Variants in FRYL observed in about 807,000 individuals in gnomAD.
FRYL encodes FRY like transcription coactivator.
Under a neutral mutation model 351.2 loss-of-function variants are expected in FRYL, and 150 were observed. That is an observed-to-expected ratio of 0.43 (90% CI 0.37 to 0.49). The LOEUF (loss-of-function observed/expected upper bound fraction) is 0.49, where lower values mean the gene tolerates loss of function less well. FRYL is among the 20% of genes least tolerant of loss of function. FRYL has a pLI of 0.00. For synonymous variants in FRYL, 1,153 were observed against 1,257.1 expected, an observed-to-expected ratio of 0.92 and a Z score of 1.75; for missense variants, 3,036 against 3,619.3, an observed-to-expected ratio of 0.84 and a Z score of 4.13.
At chr4:48,714,023 T>G (rs1768444191) in intron 1 of FRYL, among the ~76,000 whole-genome samples, 1 of 151,766 alleles carries the variant, frequency 6.6e-6, no homozygotes, top group South Asian at 2.1e-4. Context: ...GAACGACTAC[T>G]GGGTACATAA....
At chr4:48,723,362 C>T (rs190527272) in intron 1 of FRYL, among the ~76,000 whole-genome samples, 4 of 151,978 alleles carry the variant, frequency 2.6e-5, no homozygotes, top group African/African-American at 9.7e-5. Context: ...AGGCTGGTCT[C>T]GAATGCCTGG....
rs977097140 is a variant in FRYL, at chr4:48,497,858, C to T, written c.*1564G>A. 2.0e-5 allele frequency: 3 copies of T among 152,558 alleles called. No individual in the cohort carries two copies. Among genetic ancestry groups the T allele is most frequent in the African/African-American group, 7.2e-5 (3 of 41,422 alleles). The allele number at this position is 152,558 out of a possible 1,614,324, so 9.5% of individuals were successfully genotyped here. On this transcript the variant is annotated 3_prime_UTR_variant, in exon 64 of 64. Transcript: ENST00000358350. ...CTGTGGTCAGCAGTCCAATGGTGTG[C>T]ACAGTGCCTTCAATTAATGCACTTG...
intron 1 of FRYL, among the ~76,000 whole-genome samples, chr4:48,712,684 C>T (rs1370335367): frequency 6.6e-6 from 1 of 152,190 alleles, no homozygotes; most frequent in Non-Finnish European, 1.5e-5. Flanking sequence ...TCTAGCAAGG[C>T]AGGCCAACAT....
In FRYL at chr4:48,534,653, T is replaced by C. The variant is rs1560553774; in HGVS notation, c.6597A>G (p.Gln2199=). 1 of 1,583,622 alleles carries C rather than the reference T, an allele frequency of 6.3e-7. No individual in the cohort carries two copies. The highest frequency in any genetic ancestry group is 1.7e-5 in the Admixed American group (1 of 59,812). Residue 2199 remains glutamine (Q), a synonymous_variant, in exon 49 of 64, where the codon CAA becomes CAG. Coordinates refer to ENST00000358350, the MANE Select transcript of FRYL (RefSeq NM_015030.2). ...GACTATAAATAATCTGTAGTAATGA[T>C]TGCTGCATACTGGACAATCCTTTCT... ...LLEKGLSSMQ[Q]SLLQIIYSLL... is the part of the protein sequence containing the mutation.
chr4:48,677,785 A>C (rs1763962021), intron 3 of FRYL, among the ~76,000 whole-genome samples: 1 of 152,224 alleles, frequency 6.6e-6, no homozygotes, highest in South Asian at 2.1e-4. Context: ...TAAAGCTTTG[A>C]GATTACATGC....
chr4:48,715,742 A>G (rs1486867122), intron 1 of FRYL, among the ~76,000 whole-genome samples: 2 of 152,228 alleles, frequency 1.3e-5, no homozygotes, highest in East Asian at 3.8e-4. Flanking sequence ...CAAGCTAGCA[A>G]TGACTTTCTT....
chr4:48,500,000 G>C (rs1690940403), intron 63 of FRYL, 30 bp downstream of exon 63: 2 of 1,418,792 alleles, frequency 1.4e-6, no homozygotes, highest in Admixed American at 2.3e-5. Flanking sequence ...TAATTTAAAG[G>C]CATCACCTTT....
Position 48,593,971 on chromosome 4 carries a change from T to C in FRYL, c.1294A>G (p.Ser432Gly). The change falls in exon 16 of 64, where the codon AGT becomes GGT. Residue 432 changes from serine to glycine, a missense_variant. Around this residue, in one of 7 missense-constraint regions of FRYL, gnomAD observed 457 missense variants for 566.6 expected, o/e 0.81. Transcript: ENST00000358350. ...AMKEIIFDLLSVGKSTKTFTI... is the reference protein window; with the variant it reads ...AMKEIIFDLLGVGKSTKTFTI... ...AAAGTTTTAGTAGATTTTCCAACAC[T>C]GAGAAGATCAAATATTATTTCTTTC... 6.7e-7 allele frequency: 1 copy of C among 1,485,360 alleles called. No individual in the cohort carries two copies. The highest frequency in any genetic ancestry group is 8.9e-7 in the Non-Finnish European group (1 of 1,117,460). 92.0% of individuals were successfully genotyped at this position (1,485,360 alleles called of 1,614,324 possible). A position where few individuals can be genotyped will look rare whatever the true frequency, so the allele number is the denominator to read the frequency against.
intron 2 of FRYL, among the ~76,000 whole-genome samples, chr4:48,686,006 G>A (rs1167639945): frequency 6.6e-6 from 1 of 152,078 alleles, no homozygotes; most frequent in Non-Finnish European, 1.5e-5. Context: ...CCTCCTAAAG[G>A]CTGGGATTAC....
rs189686660 is a variant in FRYL, at chr4:48,726,661, G to A, written c.-383-15963C>T. Among the ~76,000 whole-genome samples, 16 of 152,210 alleles carry A rather than the reference G, an allele frequency of 1.1e-4. No individual in the cohort carries two copies. In the East Asian group the frequency reaches 2.3e-3, roughly 22 times the overall value. ...CATGCCACAGCACTCCAGTCTGGGC[G>A]ACAGAGCGAGACTCCATCTCCAAAA... On this transcript the variant is annotated intron_variant, in intron 1 of 63. Coordinates refer to ENST00000358350, the MANE Select transcript of FRYL (RefSeq NM_015030.2).
chr4:48,615,378 T>C (rs754870089), intron 7 of FRYL, among the ~76,000 whole-genome samples: 1 of 152,228 alleles, frequency 6.6e-6, no homozygotes, highest in South Asian at 2.1e-4. Flanking sequence ...CACCACCTTC[T>C]GATACTTCAC....
intron 50 of FRYL, among the ~76,000 whole-genome samples, chr4:48,530,373 A>G (rs1173872103): frequency 6.6e-6 from 1 of 152,068 alleles, no homozygotes; most frequent in Non-Finnish European, 1.5e-5. Flanking sequence ...GGACAGTCCC[A>G]CATTATCTTT....
At chr4:48,751,516 G>A (rs1348358776) in intron 1 of FRYL, among the ~76,000 whole-genome samples, 1 of 152,080 alleles carries the variant, frequency 6.6e-6, no homozygotes, top group Non-Finnish European at 1.5e-5. Context: ...AAACAAGGAT[G>A]GAAACCAATG....
intron 37 of FRYL, 91 bp from the exon 38 acceptor site, chr4:48,550,795 C>T (rs1188511623): frequency 3.3e-5 from 32 of 971,538 alleles, no homozygotes; most frequent in Middle Eastern, 2.1e-4. Flanking sequence ...AAAAGGAGGA[C>T]GGACGCCATG....
Position 48,548,718 on chromosome 4 carries a change from G to A in FRYL, c.4860C>T (p.Leu1620=), listed in dbSNP as rs772345439. The A allele has an allele frequency of 1.1e-5, 17 of 1,605,398 alleles. No homozygotes were observed. Among genetic ancestry groups the A allele is most frequent in the Non-Finnish European group, 1.4e-5 (17 of 1,172,634 alleles). Residue 1620 remains leucine, a synonymous_variant, in exon 40 of 64, where the codon CTC becomes CTT. Coordinates refer to ENST00000358350, the MANE Select transcript of FRYL (RefSeq NM_015030.2). ...TAAAAATTGCATGAAGAAGAAGATG[G>A]AGGTAGCTTCCCCATTCCACCTTCA... is the stretch of plus-strand genomic sequence containing the variant. The part of the protein sequence containing the change: ...HSVKVEWGSY[L]HLLLHAIFIG...
At chr4:48,590,905 T>C in intron 16 of FRYL, 75 bp from the exon 17 acceptor site, 1 of 1,124,342 alleles carries the variant, frequency 8.9e-7, no homozygotes, top group Non-Finnish European at 1.3e-6. Context: ...AAATATTTCA[T>C]CAGTAACATC....
intron 35 of FRYL, among the ~76,000 whole-genome samples, chr4:48,556,500 C>T (rs1461690164): frequency 2.0e-5 from 3 of 152,170 alleles, no homozygotes; most frequent in Non-Finnish European, 4.4e-5. Context: ...TCACACTCAC[C>T]ATCCTGTTCT....
Position 48,549,945 on chromosome 4 carries a change from C to A in FRYL, c.4634-322G>T, listed in dbSNP as rs1395915137. Among the ~76,000 whole-genome samples the A allele has an allele frequency of 6.6e-6, 1 of 152,148 alleles. No homozygotes were observed. Among genetic ancestry groups the A allele is most frequent in the Non-Finnish European group, 1.5e-5 (1 of 68,038 alleles). On this transcript the variant is annotated intron_variant, in intron 38 of 63. Transcript: ENST00000358350. This position sits in a 1 kb window ranked among gnomAD's most constrained non-coding sequence, Gnocchi z 4.2. ...GGTGAAGCTGCCTTGTAACAAAGGG[C>A]CTTCTGGTAAGTTATTCAGTTCTAA...
At chr4:48,507,533 A>G (rs1330484652) in intron 59 of FRYL, among the ~76,000 whole-genome samples, 4 of 19,826 alleles carry the variant, frequency 2.0e-4, no homozygotes, top group African/African-American at 4.8e-4. Flanking sequence ...CACTCAAACA[A>G]ACAGTTAGTT....
Sources: allele counts gnomAD v4.1 joint callset (sites outside exome capture counted in the v4.1 genomes callset), GRCh38; gene constraint gnomAD v4.1.1; regional missense constraint gnomAD v4.1.1; non-coding constraint Gnocchi (gnomAD v3.1); transcripts MANE v1.5; gene names NCBI Gene and HGNC (gene_info 2026-07-23, HGNC 2026-07-21).